The following ADGRL2 variants were observed in gnomAD, a reference collection of about 807,000 sequenced individuals.
ADGRL2 encodes adhesion G protein-coupled receptor L2.
In ADGRL2, 44 loss-of-function variants were observed where a neutral mutation model predicts 157.4. The observed-to-expected ratio is 0.28, with a 90% confidence interval of 0.22 to 0.36. ADGRL2 has a LOEUF of 0.36. Ranked by LOEUF, ADGRL2 falls within the 10% of genes least tolerant of loss-of-function variation. ADGRL2 has a pLI of 1.00. For synonymous variants in ADGRL2, 585 were observed against 624.7 expected (o/e 0.94, Z 0.95); for missense variants, 1,510 against 1,768.9 (o/e 0.85, Z 2.63).
chr1:81,883,158 A>T (rs2094031387), intron 2 of ADGRL2, among the ~76,000 whole-genome samples: 1 of 152,176 alleles, frequency 6.6e-6, no homozygotes, highest in Non-Finnish European at 1.5e-5. Flanking sequence ...TTTTGGGGGT[A>T]TGTTTCTTTA....
At chr1:81,511,011 A>G (rs1472084671) in intron 2 of ADGRL2, among the ~76,000 whole-genome samples, 4 of 152,188 alleles carry the variant, frequency 2.6e-5, no homozygotes, top group African/African-American at 9.6e-5. Context: ...CTATCTTAGC[A>G]CTGAATGTGA....
chr1:81,992,244 C>T lies in ADGRL2; in HGVS notation c.*1099C>T, dbSNP rs909776991. 6.6e-6 allele frequency: 1 copy of T among 152,362 alleles called. No homozygotes were observed. Among genetic ancestry groups the T allele is most frequent in the African/African-American group, 2.4e-5 (1 of 41,370 alleles). 9.4% of individuals were successfully genotyped at this position (152,362 alleles called of 1,614,324 possible). On this transcript the variant is annotated 3_prime_UTR_variant, in exon 24 of 24. Transcript: ENST00000686636. The stretch of plus-strand genomic sequence containing the variant: ...ATATTACTCTTCCATATTCCTTCTG[C>T]CTATATTTAGTAATTAATTTATTTT...
At chr1:81,860,339 T>G (rs531853183) in intron 2 of ADGRL2, among the ~76,000 whole-genome samples, 2 of 152,264 alleles carry the variant, frequency 1.3e-5, no homozygotes, top group East Asian at 1.9e-4. Flanking sequence ...TTTATTTTAT[T>G]TATTAACTTC....
intron 3 of ADGRL2, among the ~76,000 whole-genome samples, chr1:81,684,691 C>T (rs1570828004): frequency 6.6e-6 from 1 of 152,164 alleles, no homozygotes; most frequent in South Asian, 2.1e-4. Context: ...AGTTCTTGGT[C>T]ATTAAATCCT....
Position 81,991,315 on chromosome 1 carries a change from A to T in ADGRL2, c.*170A>T. 1.7e-6 allele frequency: 1 copy of T among 575,476 alleles called. No homozygotes were observed. The highest frequency in any genetic ancestry group is 3.0e-6 in the Non-Finnish European group (1 of 334,870). The allele number at this position is 575,476 out of a possible 1,614,324, so 35.6% of individuals were successfully genotyped here. A position where few individuals can be genotyped will look rare whatever the true frequency, so the allele number is the denominator to read the frequency against. On this transcript the variant is annotated 3_prime_UTR_variant, in exon 24 of 24. Coordinates refer to ENST00000686636, the MANE Select transcript of ADGRL2 (RefSeq NM_001366006.2). ...GCAGTTCTGTGAATTTTTATAAAAC[A>T]TACAAAAACTTTGTATATACACAGA... is the stretch of plus-strand genomic sequence containing the variant.
intron 1 of ADGRL2, among the ~76,000 whole-genome samples, chr1:81,707,649 G>T (rs5002076): frequency 6.6e-6 from 1 of 151,312 alleles, no homozygotes; most frequent in Non-Finnish European, 1.5e-5. Context: ...GTATGTTATT[G>T]TTGTTGTTGT....
chr1:81,908,124 T>C (rs1217785557), intron 3 of ADGRL2, among the ~76,000 whole-genome samples: 4 of 152,220 alleles, frequency 2.6e-5, no homozygotes, highest in Non-Finnish European at 4.4e-5. Flanking sequence ...ATTCAGGTTG[T>C]CGCCTAGGAG....
chr1:81,450,508 G>T (rs1047110926), intron 2 of ADGRL2, among the ~76,000 whole-genome samples: 3 of 152,088 alleles, frequency 2.0e-5, no homozygotes, highest in Admixed American at 6.6e-5. Context: ...GCAGAGCCAG[G>T]ATTTGAACCC....
intron 1 of ADGRL2, among the ~76,000 whole-genome samples, chr1:81,816,683 A>G (rs1488961617): frequency 6.6e-6 from 1 of 151,918 alleles, no homozygotes; most frequent in African/African-American, 2.4e-5. Context: ...CATAGTTAAA[A>G]AGATGTTTAC....
At chr1:81,559,438 C>T (rs186271768) in intron 2 of ADGRL2, among the ~76,000 whole-genome samples, 18 of 150,562 alleles carry the variant, frequency 1.2e-4, no homozygotes, top group Admixed American at 1.1e-3. Context: ...GCCCAATAAG[C>T]TATGCTCCAT....
intron 2 of ADGRL2, among the ~76,000 whole-genome samples, chr1:81,865,066 T>C (rs2093499432): frequency 6.6e-6 from 1 of 152,172 alleles, no homozygotes; most frequent in Admixed American, 6.6e-5. Flanking sequence ...ATTGTCTGTG[T>C]ATTTTGATGT....
chr1:81,324,201 G>A (rs1305843368), intron 1 of ADGRL2, among the ~76,000 whole-genome samples: 2 of 152,062 alleles, frequency 1.3e-5, no homozygotes, highest in African/African-American at 2.4e-5. Context: ...ATGAGAAAGA[G>A]AGATTAAAAA....
At chr1:81,699,045 T>C (rs1258774937), upstream of ADGRL2, among the ~76,000 whole-genome samples, 2 of 152,168 alleles carry the variant, frequency 1.3e-5, no homozygotes, top group Non-Finnish European at 1.5e-5. Context: ...CTAACACATG[T>C]ATTTGGTTTG....
intron 2 of ADGRL2, among the ~76,000 whole-genome samples, chr1:81,476,374 G>A (rs1452964780): frequency 6.6e-6 from 1 of 152,076 alleles, no homozygotes; most frequent in African/African-American, 2.4e-5. Flanking sequence ...AAAATTGTGA[G>A]GAGTAGGAAA....
At chr1:81,507,168 T>C (rs182669905) in intron 2 of ADGRL2, among the ~76,000 whole-genome samples, 2 of 152,114 alleles carry the variant, frequency 1.3e-5, no homozygotes, top group African/African-American at 2.4e-5. Context: ...AGGATGCTAC[T>C]TGAGGAACAG....
chr1:81,792,022 T>C (rs1361277165), intron 2 of ADGRL2, among the ~76,000 whole-genome samples: 5 of 152,222 alleles, frequency 3.3e-5, no homozygotes, highest in African/African-American at 9.7e-5. Flanking sequence ...TTGTTTCCTT[T>C]CCGTGCGTAT....
At chr1:81,895,703 C>A (rs939021841) in intron 2 of ADGRL2, among the ~76,000 whole-genome samples, 1 of 151,928 alleles carries the variant, frequency 6.6e-6, no homozygotes, top group Non-Finnish European at 1.5e-5. Flanking sequence ...CCTGAAAGTA[C>A]CTTTTTAAAA....
chr1:81,970,615 C>A, intron 16 of ADGRL2, 81 bp downstream of exon 16: 1 of 1,002,008 alleles, frequency 1.0e-6, no homozygotes, highest in Non-Finnish European at 1.5e-6. Context: ...GGGTCCCTGA[C>A]AGATTAAAAT....
intron 2 of ADGRL2, among the ~76,000 whole-genome samples, chr1:81,573,766 G>C (rs2148507419): frequency 6.6e-6 from 1 of 152,286 alleles, no homozygotes; most frequent in South Asian, 2.1e-4. Flanking sequence ...GACTTGTGCA[G>C]TATTTGCCTC....
Sources: gnomAD v4.1 joint callset for allele counts (sites outside exome capture counted in the v4.1 genomes callset) on GRCh38, gnomAD v4.1.1 for gene constraint, MANE v1.5 for transcripts, NCBI Gene and HGNC (gene_info 2026-07-23, HGNC 2026-07-21) for gene names.